The following SLC30A8 variants were observed in gnomAD, a reference collection of about 807,000 sequenced individuals.
SLC30A8 encodes proton-coupled zinc antiporter SLC30A8.
Under a neutral mutation model 36.9 loss-of-function variants are expected in SLC30A8, and 27 were observed. That is an observed-to-expected ratio of 0.73 (90% CI 0.54 to 1.01). SLC30A8 has a LOEUF of 1.01. Among genes scored for constraint, SLC30A8 ranks in the 50% least tolerant of loss-of-function variants. The probability of loss-of-function intolerance (pLI) is 0.00; values close to 1 mark genes in which losing one functional copy is unlikely to be tolerated. For missense variants in SLC30A8, 439 were observed against 452.0 expected (o/e 0.97, Z 0.26); for synonymous variants, 164 against 172.4 (o/e 0.95, Z 0.38).
At chr8:117,039,936 C>T (rs974733081) in intron 2 of SLC30A8, among the ~76,000 whole-genome samples, 37 of 152,172 alleles carry the variant, frequency 2.4e-4, no homozygotes, top group African/African-American at 8.2e-4. Context: ...CTCCTCCCCC[C>T]GAGCTTTCCC....
At chr8:116,953,175 G>T (rs1349263650) in intron 1 of SLC30A8, among the ~76,000 whole-genome samples, 1 of 152,162 alleles carries the variant, frequency 6.6e-6, no homozygotes, top group Non-Finnish European at 1.5e-5. Flanking sequence ...GCCTCCAGCT[G>T]CATCCATGTT....
intron 1 of SLC30A8, among the ~76,000 whole-genome samples, chr8:117,017,077 G>T (rs1028974879): frequency 6.6e-6 from 1 of 151,992 alleles, no homozygotes; most frequent in Non-Finnish European, 1.5e-5. Context: ...TTTACTTTCT[G>T]TGCCCCAGTT....
intron 2 of SLC30A8, among the ~76,000 whole-genome samples, chr8:117,065,596 C>T (rs1378719936): frequency 6.6e-6 from 1 of 151,996 alleles, no homozygotes; most frequent in Non-Finnish European, 1.5e-5. Context: ...AACCCTAATT[C>T]TTTGGAACTA....
chr8:117,083,780 T>C (rs1818757793), intron 2 of SLC30A8, among the ~76,000 whole-genome samples: 1 of 152,166 alleles, frequency 6.6e-6, no homozygotes, highest in African/African-American at 2.4e-5. Flanking sequence ...GCTGCATGAA[T>C]AAGCAATAAG....
chr8:116,958,841 ATTTTTTT>A (rs758505118), intron 1 of SLC30A8, among the ~76,000 whole-genome samples: 18 of 60,024 alleles, frequency 3.0e-4, no homozygotes, highest in East Asian at 1.1e-3. Flanking sequence ...TGCTCTTTTC[ATTTTTTT>A]TTTTTTTTTT....
intron 2 of SLC30A8, among the ~76,000 whole-genome samples, chr8:117,059,740 A>C (rs1390805445): frequency 5.3e-5 from 8 of 152,336 alleles, no homozygotes; most frequent in Admixed American, 5.2e-4. Context: ...GGCAGGATAA[A>C]ATGTTGGCAC....
At chr8:117,139,707 G>C (rs1318461224) in intron 1 of SLC30A8, among the ~76,000 whole-genome samples, 1 of 152,022 alleles carries the variant, frequency 6.6e-6, no homozygotes, top group Admixed American at 6.6e-5. Context: ...CAGTGAGATA[G>C]TGGAAAGAAA....
chr8:117,098,026 TATATTAA>T (rs922393953), intron 2 of SLC30A8, among the ~76,000 whole-genome samples: 1 of 133,190 alleles, frequency 7.5e-6, no homozygotes, highest in African/African-American at 2.9e-5. Context: ...TTTAAATAAA[TATATTAA>T]ATAAATATAA....
chr8:117,015,058 G>T (rs1212296575), intron 1 of SLC30A8, among the ~76,000 whole-genome samples: 1 of 151,278 alleles, frequency 6.6e-6, no homozygotes, highest in African/African-American at 2.4e-5. Context: ...ACCAGAATTT[G>T]GGATGAAGGT....
chr8:117,028,478 T>C (rs914804286), intron 1 of SLC30A8, among the ~76,000 whole-genome samples: 2 of 152,018 alleles, frequency 1.3e-5, no homozygotes, highest in African/African-American at 4.8e-5. Context: ...TGTCTGAAAA[T>C]TTTGGAATTA....
chr8:117,140,812 A>T (rs1365266484), intron 1 of SLC30A8, among the ~76,000 whole-genome samples: 1 of 152,136 alleles, frequency 6.6e-6, no homozygotes, highest in African/African-American at 2.4e-5. Flanking sequence ...CATTCCTAAA[A>T]AATAATAGCA....
At chr8:116,982,966 A>G (rs1294245975) in intron 1 of SLC30A8, among the ~76,000 whole-genome samples, 1 of 152,122 alleles carries the variant, frequency 6.6e-6, no homozygotes, top group Non-Finnish European at 1.5e-5. Flanking sequence ...GAACTTTTTC[A>G]CTTTTTAAAT....
intron 1 of SLC30A8, among the ~76,000 whole-genome samples, chr8:117,022,138 T>C (rs1364900115): frequency 2.0e-5 from 3 of 151,674 alleles, no homozygotes; most frequent in African/African-American, 7.3e-5. Flanking sequence ...AGGCGGAGCT[T>C]GCAGTGAGCC....
intron 2 of SLC30A8, among the ~76,000 whole-genome samples, chr8:117,077,557 C>G (rs1254779545): frequency 6.6e-6 from 1 of 152,154 alleles, no homozygotes; most frequent in African/African-American, 2.4e-5. Context: ...TTTATTTCAT[C>G]ATCTGTAAGA....
Position 117,006,772 on chromosome 8 carries a change from ATTTTTTTTTTTTT to A in SLC30A8, c.-265-32431_-265-32419del, listed in dbSNP as rs71305456. 1.9e-4 allele frequency among the ~76,000 whole-genome samples: 15 copies of A among 78,968 alleles called. No homozygotes were observed. In the South Asian group the frequency reaches 5.9e-3, roughly 31 times the overall value. 51.8% of individuals were successfully genotyped at this position (78,968 alleles called of 152,430 possible). On this transcript the variant is annotated intron_variant, in intron 1 of 10. Coordinates refer to the SLC30A8 transcript ENST00000427715. Reference sequence around the variant, plus strand: ...CTAAGACTGAGAGTTGAGTCAGGTAATTTTTTTTTTTTTTTTTTTTTTTTTTTTGAGACGGAAT... The same window carrying A: ...CTAAGACTGAGAGTTGAGTCAGGTAATTTTTTTTTTTTTTTGAGACGGAAT...
At chr8:116,992,436 A>G (rs945975447) in intron 1 of SLC30A8, among the ~76,000 whole-genome samples, 4 of 152,176 alleles carry the variant, frequency 2.6e-5, no homozygotes, top group African/African-American at 9.6e-5. Context: ...AATGTACACG[A>G]TGAGCCCTAA....
intron 1 of SLC30A8, among the ~76,000 whole-genome samples, chr8:116,969,864 G>A (rs1175856233): frequency 6.6e-6 from 1 of 152,178 alleles, no homozygotes; most frequent in Non-Finnish European, 1.5e-5. Context: ...CAGTGAGTGA[G>A]TGGTGAGTGA....
chr8:117,115,584 A>G (rs1031127715), intron 2 of SLC30A8, among the ~76,000 whole-genome samples: 1 of 152,224 alleles, frequency 6.6e-6, no homozygotes, highest in Non-Finnish European at 1.5e-5. Context: ...AGACAAACAC[A>G]TGTTTTTTCC....
rs376836607 is a variant in SLC30A8 at position 117,124,097 on chromosome 8, C to G, written c.-225-11183C>G. Among the ~76,000 whole-genome samples the G allele has an allele frequency of 1.6e-4, 25 of 151,934 alleles. No homozygotes were observed. The East Asian group carries it at 3.7e-3, about 23-fold the overall frequency. On this transcript the variant is annotated intron_variant, in intron 2 of 10. Transcript: ENST00000427715. ...GATGGGAGTTAGGACCAACTGCTTCCCAGGAGCACATTTTCCAAAAGTAGT... is the reference window on the plus strand; with the variant it reads ...GATGGGAGTTAGGACCAACTGCTTCGCAGGAGCACATTTTCCAAAAGTAGT...
Sources: allele counts gnomAD v4.1 joint callset (sites outside exome capture counted in the v4.1 genomes callset), GRCh38; gene constraint gnomAD v4.1.1; transcripts MANE v1.5; gene names NCBI Gene and HGNC (gene_info 2026-07-23, HGNC 2026-07-21).